Variants in VCL observed in about 807,000 individuals in gnomAD.
VCL encodes the protein vinculin.
Under a neutral mutation model 125.7 loss-of-function variants are expected in VCL, and 47 were observed. The observed-to-expected ratio is 0.37, with a 90% confidence interval of 0.30 to 0.48. VCL has a LOEUF of 0.48. VCL is among the 20% of genes least tolerant of loss of function. The pLI is 0.99. For synonymous variants in VCL, 458 were observed against 514.6 expected (o/e 0.89, Z 1.49); for missense variants, 1,069 against 1,455.5 (o/e 0.73, Z 4.32).
chr10:74,114,180 C>A lies in VCL; in HGVS notation c.2950-4C>A. 6.2e-7 allele frequency: 1 copy of A among 1,613,092 alleles called. No individual in the cohort carries two copies. On this transcript the variant is annotated splice_region_variant and splice_polypyrimidine_tract_variant and intron_variant, in intron 19 of 21. Coordinates refer to ENST00000211998, the MANE Select transcript of VCL (RefSeq NM_014000.3). The stretch of plus-strand genomic sequence containing the variant: ...GCTCACACTGTATCTTTGCTTCCCT[C>A]TAGGGCAATGACATCATTGCAGCAG...
chr10:74,098,714 A>G (rs1302180777), intron 13 of VCL, among the ~76,000 whole-genome samples: 2 of 150,022 alleles, frequency 1.3e-5, no homozygotes, highest in East Asian at 3.9e-4. Context: ...TGGTAGGTGG[A>G]GGTTTTTGTT....
rs566062266 is a variant in VCL at position 73,999,290 on chromosome 10, G to T, written c.168+915G>T. On this transcript the variant is annotated intron_variant, in intron 1 of 21. Coordinates refer to ENST00000211998, the MANE Select transcript of VCL (RefSeq NM_014000.3). ...CGCCCCTGCCGGAGAGAAGGCTGGG[G>T]CATCCGCTCCCCATCCACAACTTTC... Among the ~76,000 whole-genome samples, 407 of 152,276 alleles carry T rather than the reference G, an allele frequency of 2.7e-3. 1 individual carries two copies. The highest frequency in any genetic ancestry group is 9.2e-3 in the African/African-American group (382 of 41,556).
At chr10:74,114,093 A>C in intron 19 of VCL, 91 bp from the exon 20 acceptor site, 1 of 1,505,998 alleles carries the variant, frequency 6.6e-7, no homozygotes, top group Admixed American at 1.8e-5. Flanking sequence ...CTAAGGTGGC[A>C]AGCTCCCTCC....
intron 4 of VCL, 106 bp from the exon 5 acceptor site, chr10:74,072,624 A>C (rs1841678607): frequency 6.5e-7 from 1 of 1,534,852 alleles, no homozygotes; most frequent in Admixed American, 1.7e-5. Flanking sequence ...ATAAGTGAGC[A>C]ATCGGTTTGA....
At chr10:74,068,246 CTA>C in intron 2 of VCL, among the ~76,000 whole-genome samples, 1 of 152,300 alleles carries the variant, frequency 6.6e-6, no homozygotes, top group African/African-American at 2.4e-5. Flanking sequence ...AGGCTAATAA[CTA>C]TTAGCCTGGG....
intron 2 of VCL, among the ~76,000 whole-genome samples, chr10:74,045,785 A>G (rs1841188721): frequency 6.6e-6 from 1 of 152,082 alleles, no homozygotes; most frequent in African/African-American, 2.4e-5. Context: ...ACTCAGGAAG[A>G]GGTACACAGG....
Position 74,053,616 on chromosome 10 carries a change from T to C in VCL, c.239+10463T>C, listed in dbSNP as rs367872100. 7.2e-5 allele frequency among the ~76,000 whole-genome samples: 11 copies of C among 152,264 alleles called. 1 individual carries two copies. Among genetic ancestry groups the C allele is most frequent in the African/African-American group, 2.2e-4 (9 of 41,566 alleles). On this transcript the variant is annotated intron_variant, in intron 2 of 21. Coordinates refer to ENST00000211998, the MANE Select transcript of VCL (RefSeq NM_014000.3). ...GTCTTTATGTTCAATCTTTCTTTTC[T>C]TTTTTCTTTTTTGAGATAGCGTCTT... is the stretch of plus-strand genomic sequence containing the variant.
intron 2 of VCL, among the ~76,000 whole-genome samples, chr10:74,060,925 G>A (rs1323719904): frequency 3.3e-5 from 5 of 151,982 alleles, no homozygotes; most frequent in Non-Finnish European, 7.4e-5. Context: ...AGCATATTTC[G>A]AGATCCCATA....
intron 1 of VCL, among the ~76,000 whole-genome samples, chr10:74,025,185 T>G (rs925750554): frequency 2.0e-5 from 3 of 152,044 alleles, no homozygotes; most frequent in Admixed American, 6.6e-5. Flanking sequence ...CCTGGCTAAT[T>G]TTTTGTATTT....
At chr10:74,073,416 G>A (rs1839522781) in intron 5 of VCL, among the ~76,000 whole-genome samples, 1 of 152,128 alleles carries the variant, frequency 6.6e-6, no homozygotes, top group African/African-American at 2.4e-5. Context: ...GCCTAATTCT[G>A]TTCTCCTAAA....
At chr10:74,086,923 A>G (rs1446006618) in intron 8 of VCL, among the ~76,000 whole-genome samples, 3 of 152,054 alleles carry the variant, frequency 2.0e-5, no homozygotes, top group African/African-American at 7.2e-5. Flanking sequence ...ATATATTTTT[A>G]CCCCCATGAG....
chr10:74,070,858 A>G, intron 3 of VCL, 38 bp downstream of exon 3: 1 of 1,613,326 alleles, frequency 6.2e-7, no homozygotes, highest in East Asian at 2.2e-5. Context: ...TCTTGAAGAT[A>G]ATAATGGAAG....
intron 1 of VCL, among the ~76,000 whole-genome samples, chr10:74,020,008 C>T (rs1205865203): frequency 1.3e-5 from 2 of 151,172 alleles, no homozygotes; most frequent in African/African-American, 2.4e-5. Context: ...GGTTGCAGTG[C>T]GCCGAGATCG....
chr10:74,093,032 C>T (rs963724201), intron 10 of VCL, among the ~76,000 whole-genome samples: 2 of 152,258 alleles, frequency 1.3e-5, no homozygotes, highest in African/African-American at 4.8e-5. Flanking sequence ...CACGGTGGCT[C>T]ACGCCTGTAA....
chr10:74,021,853 G>A (rs1474145271), intron 1 of VCL, among the ~76,000 whole-genome samples: 1 of 151,842 alleles, frequency 6.6e-6, no homozygotes, highest in East Asian at 1.9e-4. Context: ...TCCAACAAAT[G>A]TTCCGTTGAT....
intron 1 of VCL, among the ~76,000 whole-genome samples, chr10:74,036,726 A>C (rs929656487): frequency 6.6e-6 from 1 of 151,670 alleles, no homozygotes; most frequent in African/African-American, 2.4e-5. Context: ...AGTAAAAAAG[A>C]AGCATTTGTT....
At chr10:74,017,821 C>CTT (rs558487520) in intron 1 of VCL, among the ~76,000 whole-genome samples, 128 of 151,930 alleles carry the variant, frequency 8.4e-4, no homozygotes, top group Middle Eastern at 3.4e-3. Context: ...AGTATAGAAA[C>CTT]TATAAGAGCT....
intron 2 of VCL, among the ~76,000 whole-genome samples, chr10:74,050,985 G>A (rs533944019): frequency 3.0e-5 from 4 of 131,806 alleles, no homozygotes; most frequent in Non-Finnish European, 6.1e-5. Context: ...TGCTACCCAG[G>A]CTGGAGTGCA....
At chr10:74,093,521 T>C (rs1020684467) in intron 10 of VCL, among the ~76,000 whole-genome samples, 1 of 152,164 alleles carries the variant, frequency 6.6e-6, no homozygotes, top group African/African-American at 2.4e-5. Context: ...TGGTAGGTCA[T>C]GCCTATAATC....
Sources: allele counts gnomAD v4.1 joint callset (sites outside exome capture counted in the v4.1 genomes callset), GRCh38; gene constraint gnomAD v4.1.1; transcripts MANE v1.5; gene names NCBI Gene and HGNC (gene_info 2026-07-23, HGNC 2026-07-21).